BACH2: variants seen among roughly 807,000 people sequenced by gnomAD.
BACH2 encodes the protein BACH transcriptional regulator 2.
Under a neutral mutation model 61.8 loss-of-function variants are expected in BACH2, and 5 were observed. The ratio of observed to expected loss-of-function variants is 0.08; its 90% confidence interval spans 0.04 to 0.17. The LOEUF is 0.17. Ranked by LOEUF, BACH2 falls within the 10% of genes least tolerant of loss-of-function variation. The pLI, the probability that BACH2 is intolerant of heterozygous loss-of-function variation, is 1.00. For synonymous variants in BACH2, 446 were observed against 440.1 expected (o/e 1.01, Z -0.17); for missense variants, 824 against 1,091.1 (o/e 0.76, Z 3.45).
rs185705443 is a variant in BACH2, at chr6:90,232,177, A to C, written c.-275+20336T>G. ...GCAGTTTCTACCCTTTTCACATTCTATATCAATTCACAAGGAGTGACCTTC... is the reference window on the plus strand; with the variant it reads ...GCAGTTTCTACCCTTTTCACATTCTCTATCAATTCACAAGGAGTGACCTTC... On this transcript the variant is annotated intron_variant, in intron 3 of 8. Coordinates refer to ENST00000257749, the MANE Select transcript of BACH2 (RefSeq NM_021813.4). 2.4e-3 allele frequency among the ~76,000 whole-genome samples: 365 copies of C among 152,320 alleles called. 4 individuals carry two copies. Among genetic ancestry groups the C allele is most frequent in the African/African-American group, 8.3e-3 (345 of 41,578 alleles).
chr6:89,999,807 C>A (rs539486795), intron 6 of BACH2, among the ~76,000 whole-genome samples: 1 of 152,170 alleles, frequency 6.6e-6, no homozygotes, highest in Admixed American at 6.5e-5. Flanking sequence ...AAAATTGATG[C>A]AAACAAGTTT....
chr6:90,090,716 C>T (rs1782126508), intron 4 of BACH2, among the ~76,000 whole-genome samples: 1 of 152,080 alleles, frequency 6.6e-6, no homozygotes, highest in African/African-American at 2.4e-5. Flanking sequence ...GGGGTCTCCA[C>T]ATGGAAAAGC....
chr6:90,276,922 A>T lies in BACH2; in HGVS notation c.-445-4981T>A, dbSNP rs6899779. On this transcript the variant is annotated intron_variant, in intron 1 of 8. Coordinates refer to ENST00000257749, the MANE Select transcript of BACH2 (RefSeq NM_021813.4). ...ATCCTAACCCTTTCAAATTCTCTCT[A>T]TATGAGAATTGACTATTTTCATCCT... 6.5e-3 allele frequency among the ~76,000 whole-genome samples: 989 copies of T among 152,282 alleles called. 10 individuals are homozygous for T. The highest frequency in any genetic ancestry group is 0.023 in the African/African-American group (944 of 41,552).
chr6:90,165,442 T>C (rs1420355018), intron 4 of BACH2, among the ~76,000 whole-genome samples: 3 of 152,164 alleles, frequency 2.0e-5, no homozygotes, highest in Non-Finnish European at 2.9e-5. Flanking sequence ...TCCATGCTCA[T>C]GGGTAGGAAG....
At chr6:90,126,321 A>G (rs1003054659) in intron 4 of BACH2, among the ~76,000 whole-genome samples, 1 of 152,232 alleles carries the variant, frequency 6.6e-6, no homozygotes, top group Non-Finnish European at 1.5e-5. Context: ...ACTCGGGAAC[A>G]CATCTCAAAA....
chr6:90,126,472 G>C (rs76888943), intron 4 of BACH2, among the ~76,000 whole-genome samples: 2 of 152,034 alleles, frequency 1.3e-5, no homozygotes, highest in Non-Finnish European at 2.9e-5. Context: ...ATTTAGTTAC[G>C]GGATGAAGAG....
chr6:90,132,746 C>A (rs1358050779), intron 4 of BACH2, among the ~76,000 whole-genome samples: 1 of 152,198 alleles, frequency 6.6e-6, no homozygotes, highest in East Asian at 1.9e-4. Context: ...TACAAAAGGG[C>A]AGTCCACAAC....
chr6:90,100,444 A>G (rs2127811415), intron 4 of BACH2, among the ~76,000 whole-genome samples: 1 of 152,244 alleles, frequency 6.6e-6, no homozygotes, highest in East Asian at 1.9e-4. Context: ...TCTTTGAATA[A>G]AGCAGATTAC....
Position 89,964,646 on chromosome 6 carries a change from A to G in BACH2, c.244-12784T>C, listed in dbSNP as rs187418479. Among the ~76,000 whole-genome samples, 195 of 152,328 alleles carry G rather than the reference A, an allele frequency of 1.3e-3. 1 individual carries two copies. The highest frequency in any genetic ancestry group is 4.3e-3 in the African/African-American group (178 of 41,564). ...CATCTTCTACTTTCTGGAAGGTGGA[A>G]TTGCCAATGTGGCAAATCAATAACC... On this transcript the variant is annotated intron_variant, in intron 6 of 8. Coordinates refer to ENST00000257749, the MANE Select transcript of BACH2 (RefSeq NM_021813.4).
At chr6:90,117,980 T>A (rs965136086) in intron 4 of BACH2, among the ~76,000 whole-genome samples, 12 of 152,190 alleles carry the variant, frequency 7.9e-5, no homozygotes, top group Non-Finnish European at 1.6e-4. Flanking sequence ...TTAACAAGCA[T>A]CTAACTTATA....
At chr6:89,965,370 C>T (rs186732666) in intron 6 of BACH2, among the ~76,000 whole-genome samples, 291 of 152,358 alleles carry the variant, frequency 1.9e-3, no homozygotes, top group Non-Finnish European at 2.8e-3. Flanking sequence ...ATTACTCCTG[C>T]TTCAACCATG....
Position 89,950,114 on chromosome 6 carries a change from A to T in BACH2, c.1836+156T>A. On this transcript the variant is annotated intron_variant, in intron 7 of 8. Transcript: ENST00000257749. The surrounding 1 kb of genome is among the most constrained non-coding windows in gnomAD (Gnocchi z 5.3). ...AAGTGGTTAATGTGGAATCACCTTC[A>T]GCATCCTGCCTCTGTGGATGGGGAA... is the stretch of plus-strand genomic sequence containing the variant. 1 of 841,358 alleles carries T rather than the reference A, an allele frequency of 1.2e-6. No homozygotes were observed. Among genetic ancestry groups the T allele is most frequent in the Non-Finnish European group, 1.9e-6 (1 of 513,050 alleles). The allele number at this position is 841,358 out of a possible 1,614,324, so 52.1% of individuals were successfully genotyped here.
intron 5 of BACH2, among the ~76,000 whole-genome samples, chr6:90,073,058 G>C (rs1781311928): frequency 2.0e-5 from 3 of 152,232 alleles, no homozygotes; most frequent in Admixed American, 6.5e-5. Flanking sequence ...ACTGAGGGAG[G>C]AGGTACTACC....
intron 3 of BACH2, among the ~76,000 whole-genome samples, chr6:90,232,771 G>A (rs1244833015): frequency 3.9e-5 from 6 of 152,094 alleles, no homozygotes; most frequent in Admixed American, 1.3e-4. Context: ...TTCTCTTTCC[G>A]TCTTCATAAT....
chr6:90,184,036 C>T (rs1053292423), intron 4 of BACH2, among the ~76,000 whole-genome samples: 2 of 152,158 alleles, frequency 1.3e-5, no homozygotes, highest in Non-Finnish European at 2.9e-5. Context: ...GTCCATATAA[C>T]CTCTATAGCT....
chr6:90,162,076 C>G (rs975134922), intron 4 of BACH2, among the ~76,000 whole-genome samples: 3 of 152,094 alleles, frequency 2.0e-5, no homozygotes, highest in African/African-American at 7.2e-5. Flanking sequence ...CAGACTCCAC[C>G]CCAGAGCTTC....
chr6:89,951,659 G>A lies in BACH2; in HGVS notation c.447C>T (p.Cys149=), dbSNP rs1165983550. 6.2e-7 allele frequency: 1 copy of A among 1,614,088 alleles called. No homozygotes were observed. Among genetic ancestry groups the A allele is most frequent in the South Asian group, 1.1e-5 (1 of 91,084 alleles). The change falls in exon 7 of 9, where the codon TGC becomes TGT. Residue 149 remains cysteine, a synonymous_variant. Coordinates refer to ENST00000257749, the MANE Select transcript of BACH2 (RefSeq NM_021813.4). The surrounding 1 kb of genome is among the most constrained non-coding windows in gnomAD (Gnocchi z 6.4). ...TCTCGCAGTCCTCGTGTGGGCGCTG[G>A]CACGCAGCATCCTTCCGGCACACAA... ...GLFVCRKDAA[C]QRPHEDCENS...
intron 4 of BACH2, among the ~76,000 whole-genome samples, chr6:90,150,979 G>A (rs571285123): frequency 6.6e-6 from 1 of 152,290 alleles, no homozygotes; most frequent in Admixed American, 6.5e-5. Flanking sequence ...ACACTTTTAA[G>A]AGTAGAAGAG....
chr6:90,210,930 C>T (rs146707979), intron 3 of BACH2, among the ~76,000 whole-genome samples: 3 of 151,990 alleles, frequency 2.0e-5, no homozygotes, highest in Admixed American at 6.6e-5. Context: ...GAGGCTGAGA[C>T]GGGTGGACCA....
Sources: gnomAD v4.1 joint callset for allele counts (sites outside exome capture counted in the v4.1 genomes callset) on GRCh38, gnomAD v4.1.1 for gene constraint, Gnocchi (gnomAD v3.1) non-coding constraint, MANE v1.5 for transcripts, NCBI Gene and HGNC (gene_info 2026-07-23, HGNC 2026-07-21) for gene names.